Variants in FGD4 observed in about 807,000 individuals in gnomAD.
The protein encoded by FGD4 is FYVE, RhoGEF and PH domain-containing protein 4.
In FGD4, 42 loss-of-function variants were observed where a neutral mutation model predicts 102.0. That is an observed-to-expected ratio of 0.41 (90% CI 0.32 to 0.53). The LOEUF (loss-of-function observed/expected upper bound fraction) is 0.53, where lower values mean the gene tolerates loss of function less well. FGD4 is among the 20% of genes least tolerant of loss of function. The pLI, the probability that FGD4 is intolerant of heterozygous loss-of-function variation, is 0.21. For synonymous variants in FGD4, 380 were observed against 375.7 expected, an observed-to-expected ratio of 1.01 and a Z score of -0.13; for missense variants, 902 against 1,078.2, an observed-to-expected ratio of 0.84 and a Z score of 2.29.
At chr12:32,596,362 A>G (rs1414569821) in intron 4 of FGD4, among the ~76,000 whole-genome samples, 1 of 152,210 alleles carries the variant, frequency 6.6e-6, no homozygotes. Context: ...GAAAGAAGAA[A>G]GGTTTAGAGA....
chr12:32,453,648 C>G (rs1942871611), intron 1 of FGD4, among the ~76,000 whole-genome samples: 1 of 152,058 alleles, frequency 6.6e-6, no homozygotes, highest in South Asian at 2.1e-4. Context: ...ATTAACTTGC[C>G]CAACTTGCTT....
At chr12:32,474,095 AAAAAC>A (rs1943519740) in intron 1 of FGD4, among the ~76,000 whole-genome samples, 1 of 152,072 alleles carries the variant, frequency 6.6e-6, no homozygotes. Flanking sequence ...CTCAAAAAAA[AAAAAC>A]AAAAAGTATT....
chr12:32,458,741 T>C (rs917790005), intron 1 of FGD4, among the ~76,000 whole-genome samples: 5 of 152,234 alleles, frequency 3.3e-5, no homozygotes, highest in African/African-American at 1.2e-4. Flanking sequence ...AAATTAGTGA[T>C]AGGGTCCAGG....
At chr12:32,464,257 G>A (rs117663918) in intron 1 of FGD4, among the ~76,000 whole-genome samples, 5,909 of 152,182 alleles carry the variant, frequency 0.039, 168 homozygotes, top group South Asian at 0.12. Flanking sequence ...GGGTCAAGCA[G>A]TTCTCCTGCC....
chr12:32,624,641 T>TTTTTTTGTA (rs1297676470), intron 12 of FGD4, 189 bp downstream of exon 12: 1 of 689,138 alleles, frequency 1.5e-6, no homozygotes, highest in East Asian at 2.7e-5. Context: ...TGGTTAATTT[T>TTTTTTTGTA]TTTTTTGTAT....
chr12:32,470,690 G>C (rs971225905), intron 1 of FGD4, among the ~76,000 whole-genome samples: 2 of 152,006 alleles, frequency 1.3e-5, no homozygotes, highest in African/African-American at 4.8e-5. Flanking sequence ...CTGACCTCAG[G>C]TAATCCGGCC....
intron 2 of FGD4, among the ~76,000 whole-genome samples, chr12:32,573,805 C>T (rs1261832338): frequency 6.6e-6 from 1 of 152,162 alleles, no homozygotes; most frequent in Non-Finnish European, 1.5e-5. Context: ...ATTAAAGTGC[C>T]TCTCCACTAG....
intron 2 of FGD4, among the ~76,000 whole-genome samples, chr12:32,571,193 G>T (rs141888423): frequency 6.6e-6 from 1 of 152,118 alleles, no homozygotes; most frequent in African/African-American, 2.4e-5. Context: ...GGTGGCTCAC[G>T]CCTGTAATCC....
At chr12:32,613,021 A>G (rs1949242715) in intron 10 of FGD4, among the ~76,000 whole-genome samples, 1 of 152,178 alleles carries the variant, frequency 6.6e-6, no homozygotes, top group Non-Finnish European at 1.5e-5. Flanking sequence ...TCATAATAAT[A>G]TGCATTGACA....
chr12:32,616,508 C>T (rs574353351), intron 10 of FGD4, among the ~76,000 whole-genome samples: 3 of 152,218 alleles, frequency 2.0e-5, no homozygotes, highest in Admixed American at 6.5e-5. Flanking sequence ...TTCATCCACC[C>T]TCTCCAGTGC....
At chr12:32,602,444 AT>A in intron 7 of FGD4, 127 bp downstream of exon 7, 1 of 1,041,056 alleles carries the variant, frequency 9.6e-7, no homozygotes, top group Non-Finnish European at 1.5e-6. Flanking sequence ...TCTACTCCAA[AT>A]TATGCAGATC....
At chr12:32,550,435 C>A (rs1189547613) in intron 1 of FGD4, among the ~76,000 whole-genome samples, 1 of 151,910 alleles carries the variant, frequency 6.6e-6, no homozygotes, top group African/African-American at 2.4e-5. Context: ...TTTGGGAGGG[C>A]GAGGCAGTAG....
intron 1 of FGD4, among the ~76,000 whole-genome samples, chr12:32,500,392 TTTTTATTTTATTTTATTTTATTTTA>T (rs56752650): frequency 0.058 from 7,866 of 135,276 alleles, 275 homozygotes; most frequent in South Asian, 0.1. Flanking sequence ...TTTTATTTTA[TTTTTATTTTATTTTATTTTATTTTA>T]TTTTATTTTA....
At chr12:32,480,017 C>T (rs1257674731) in intron 1 of FGD4, among the ~76,000 whole-genome samples, 1 of 151,904 alleles carries the variant, frequency 6.6e-6, no homozygotes, top group Non-Finnish European at 1.5e-5. Context: ...TCTCAAAACT[C>T]CCAGGCTCAA....
chr12:32,427,996 TG>T (rs1941908061), intron 1 of FGD4, among the ~76,000 whole-genome samples: 1 of 152,182 alleles, frequency 6.6e-6, no homozygotes. Flanking sequence ...AGCACACCAA[TG>T]GGTCTTGACT....
chr12:32,517,169 ATTGTTCT>A (rs1354443103), intron 1 of FGD4, among the ~76,000 whole-genome samples: 1 of 152,164 alleles, frequency 6.6e-6, no homozygotes, highest in African/African-American at 2.4e-5. Context: ...GTTAATTCTA[ATTGTTCT>A]CTGTTTTAAA....
chr12:32,626,260 C>T (rs1592458162), intron 14 of FGD4, among the ~76,000 whole-genome samples: 1 of 152,100 alleles, frequency 6.6e-6, no homozygotes, highest in South Asian at 2.1e-4. Context: ...GCCTGACCAA[C>T]ATGGTGAAAT....
chr12:32,560,757 A>T (rs1944472721), intron 1 of FGD4, among the ~76,000 whole-genome samples: 1 of 151,228 alleles, frequency 6.6e-6, no homozygotes, highest in Non-Finnish European at 1.5e-5. Flanking sequence ...CAGTGGTGTG[A>T]TTATAGCTCA....
chr12:32,494,599 T>C (rs1179839445), intron 1 of FGD4, among the ~76,000 whole-genome samples: 2 of 152,220 alleles, frequency 1.3e-5, no homozygotes, highest in African/African-American at 4.8e-5. Context: ...GAACATTTAT[T>C]GATCTTACCT....
Sources: allele counts gnomAD v4.1 joint callset (sites outside exome capture counted in the v4.1 genomes callset), GRCh38; gene constraint gnomAD v4.1.1; transcripts MANE v1.5; gene names NCBI Gene and HGNC (gene_info 2026-07-23, HGNC 2026-07-21).